The following TNS1 variants were observed in gnomAD, a reference collection of about 807,000 sequenced individuals.
TNS1 encodes tensin-1.
In TNS1, 62 loss-of-function variants were observed where a neutral mutation model predicts 168.6. The observed-to-expected ratio is 0.37, with a 90% CI of 0.30 to 0.45. TNS1 has a LOEUF of 0.45. Among genes scored for constraint, TNS1 ranks in the 20% least tolerant of loss-of-function variants. The probability of loss-of-function intolerance (pLI) is 1.00; values close to 1 mark genes in which losing one functional copy is unlikely to be tolerated. For synonymous variants in TNS1, 934 were observed against 933.2 expected (o/e 1.00, Z -0.02); for missense variants, 2,240 against 2,339.4 (o/e 0.96, Z 0.88).
chr2:217,913,402 T>G (rs1416220160), intron 4 of TNS1, among the ~76,000 whole-genome samples: 2 of 152,150 alleles, frequency 1.3e-5, no homozygotes, highest in East Asian at 3.9e-4. Flanking sequence ...GCAGCCGGCT[T>G]GCACAGGTTG....
intron 3 of TNS1, among the ~76,000 whole-genome samples, chr2:217,963,363 C>G (rs549825878): frequency 2.0e-5 from 3 of 152,090 alleles, no homozygotes; most frequent in East Asian, 3.9e-4. Context: ...ACCATGCCAC[C>G]GCCACCACAC....
chr2:217,926,709 A>C (rs1256994319), intron 3 of TNS1, among the ~76,000 whole-genome samples: 1 of 152,220 alleles, frequency 6.6e-6, no homozygotes, highest in Non-Finnish European at 1.5e-5. Flanking sequence ...GCACTGTTCT[A>C]AGCTTTTGTG....
At chr2:217,930,031 T>A (rs1318557794) in intron 3 of TNS1, among the ~76,000 whole-genome samples, 3 of 152,222 alleles carry the variant, frequency 2.0e-5, no homozygotes, top group African/African-American at 7.2e-5. Context: ...CCAAATGTCC[T>A]AATATGGCCA....
At chr2:217,927,805 T>C (rs1351524662) in intron 3 of TNS1, among the ~76,000 whole-genome samples, 1 of 152,302 alleles carries the variant, frequency 6.6e-6, no homozygotes, top group East Asian at 1.9e-4. Context: ...CTGCCTGCTG[T>C]TCACCCTCTG....
intron 1 of TNS1, among the ~76,000 whole-genome samples, chr2:218,021,710 A>C (rs1958807688): frequency 6.6e-6 from 1 of 152,244 alleles, no homozygotes; most frequent in Non-Finnish European, 1.5e-5. Context: ...TTCCAATTGC[A>C]GCAGGGTAGG....
intron 22 of TNS1, chr2:217,830,383 T>C: frequency 6.2e-7 from 1 of 1,614,122 alleles, no homozygotes; most frequent in Non-Finnish European, 8.5e-7. Context: ...GGATCCGTCT[T>C]CTGGTAACTA....
At position 217,880,968 on chromosome 2, in the gene TNS1, G is replaced by C; in HGVS notation, c.1359C>G (p.Asn453Lys). The C allele has an allele frequency of 6.2e-7, 1 of 1,614,104 alleles. No homozygotes were observed. The highest frequency in any genetic ancestry group is 8.5e-7 in the Non-Finnish European group (1 of 1,180,020). ...ENGPSVSVDY[N>K]TSDPLIRWDS... ...CCCAGCGGATGAGGGGGTCGGAGGT[G>C]TTATAGTCCACAGACACGCTCGGCC... The change falls in exon 18 of 33, where the codon AAC becomes AAG. Residue 453 changes from asparagine (N) to lysine (K), a missense_variant. This residue lies in a region of TNS1 where 2,131 missense variants were observed against 2,171.2 expected (regional missense o/e 0.98). Coordinates refer to ENST00000682258, the MANE Select transcript of TNS1 (RefSeq NM_001387777.1). The surrounding 1 kb of genome is among the most constrained non-coding windows in gnomAD (Gnocchi z 4.2).
chr2:217,878,459 C>T (rs895240179), intron 18 of TNS1, among the ~76,000 whole-genome samples: 1 of 152,128 alleles, frequency 6.6e-6, no homozygotes, highest in African/African-American at 2.4e-5. Flanking sequence ...TTACTTAACC[C>T]CTCTGTGCTC....
chr2:217,989,785 A>G (rs1410813154), intron 2 of TNS1, among the ~76,000 whole-genome samples: 1 of 152,018 alleles, frequency 6.6e-6, no homozygotes, highest in East Asian at 1.9e-4. Flanking sequence ...TGCCAAGCAC[A>G]TGCCACCCAC....
chr2:218,014,928 G>A (rs1027697086), upstream of TNS1, among the ~76,000 whole-genome samples: 3 of 145,376 alleles, frequency 2.1e-5, no homozygotes, highest in Non-Finnish European at 4.4e-5. Context: ...AGGAAGGCAG[G>A]CAGGCAGGCA....
rs757846172 is a variant in TNS1, at chr2:217,805,779, CAT to C, written c.5376-1178_5376-1177del. ...TACACACCACACACCACCACACACACATACACCACACACACACAAACCATGCA... is the reference window on the plus strand; with the variant it reads ...TACACACCACACACCACCACACACACACACCACACACACACAAACCATGCA... On this transcript the variant is annotated intron_variant, in intron 32 of 32. Transcript: ENST00000682258. Among the ~76,000 whole-genome samples, 297 of 59,774 alleles carry C rather than the reference CAT, an allele frequency of 5.0e-3. 2 individuals are homozygous for C. The highest frequency in any genetic ancestry group is 0.015 in the African/African-American group (261 of 17,338). The allele number at this position is 59,774 out of a possible 152,430, so 39.2% of individuals were successfully genotyped here. A position where few individuals can be genotyped will look rare whatever the true frequency, so the allele number is the denominator to read the frequency against.
intron 2 of TNS1, among the ~76,000 whole-genome samples, chr2:217,985,301 T>G (rs924196361): frequency 1.3e-5 from 2 of 152,164 alleles, no homozygotes; most frequent in Non-Finnish European, 2.9e-5. Context: ...CACTGAATGC[T>G]TGCTATATAT....
At position 217,830,242 on chromosome 2, in the gene TNS1, C is replaced by T; in HGVS notation, c.3373+1213G>A. 17 of 1,258,412 alleles carry T rather than the reference C, an allele frequency of 1.4e-5. 1 individual carries two copies. Among genetic ancestry groups the T allele is most frequent in the African/African-American group, 3.0e-5 (2 of 67,758 alleles). The allele number at this position is 1,258,412 out of a possible 1,614,324, so 78.0% of individuals were successfully genotyped here. A position where few individuals can be genotyped will look rare whatever the true frequency, so the allele number is the denominator to read the frequency against. On this transcript the variant is annotated intron_variant, in intron 22 of 32. Transcript: ENST00000682258. ...GAGTGTGCTGGCTGGTGAGAGGCAG[C>T]CCCCAGCCCCCTTCTACTGATCCCC...
intron 16 of TNS1, among the ~76,000 whole-genome samples, chr2:217,884,040 C>T (rs1177647427): frequency 6.6e-6 from 1 of 151,176 alleles, no homozygotes; most frequent in Non-Finnish European, 1.5e-5. Context: ...ACTGTGAACT[C>T]CCTGAGGGTA....
At chr2:217,997,124 G>C (rs866063491) in intron 1 of TNS1, among the ~76,000 whole-genome samples, 2 of 152,040 alleles carry the variant, frequency 1.3e-5, no homozygotes, top group Non-Finnish European at 2.9e-5. Context: ...CTCAGCAGGG[G>C]TCTTCCCAGA....
intron 20 of TNS1, 77 bp downstream of exon 20, chr2:217,835,938 T>C: frequency 3.8e-6 from 5 of 1,325,020 alleles, no homozygotes; most frequent in Non-Finnish European, 4.2e-6. Flanking sequence ...CAGTGCCAAG[T>C]TGACCATCAG....
Position 217,948,506 on chromosome 2 carries a change from CTA to C in TNS1, c.187-28272_187-28271del, listed in dbSNP as rs1957168465. ...AGGGGCCACTCTAGGCATGCAATGT[CTA>C]TGCATTTGAGCTGTACCTTCCCTCT... On this transcript the variant is annotated intron_variant, in intron 3 of 32. Coordinates refer to ENST00000682258, the MANE Select transcript of TNS1 (RefSeq NM_001387777.1). The surrounding 1 kb of genome is among the most constrained non-coding windows in gnomAD (Gnocchi z 4.1). Among the ~76,000 whole-genome samples the C allele has an allele frequency of 6.6e-6, 1 of 152,112 alleles. No homozygotes were observed. Among genetic ancestry groups the C allele is most frequent in the Non-Finnish European group, 1.5e-5 (1 of 68,002 alleles).
At chr2:217,829,059 G>A (rs1559182850) in intron 22 of TNS1, among the ~76,000 whole-genome samples, 1 of 152,138 alleles carries the variant, frequency 6.6e-6, no homozygotes, top group African/African-American at 2.4e-5. Context: ...CTCCTACAGT[G>A]CACAGGGCAG....
At chr2:218,031,382 G>A (rs1574485813) in intron 1 of TNS1, among the ~76,000 whole-genome samples, 1 of 150,138 alleles carries the variant, frequency 6.7e-6, no homozygotes, top group South Asian at 2.1e-4. Context: ...GTCTGTGTGT[G>A]TATGAATGTC....
Sources: gnomAD v4.1 joint callset for allele counts (sites outside exome capture counted in the v4.1 genomes callset) on GRCh38, gnomAD v4.1.1 for gene constraint, gnomAD v4.1.1 regional missense constraint, Gnocchi (gnomAD v3.1) non-coding constraint, MANE v1.5 for transcripts, NCBI Gene and HGNC (gene_info 2026-07-23, HGNC 2026-07-21) for gene names.